WIPF3: variants seen among roughly 807,000 people sequenced by gnomAD.
WIPF3 encodes the protein WAS/WASL interacting protein family member 3.
A neutral mutation model predicts 38.9 loss-of-function variants in WIPF3; 33 were observed. The ratio of observed to expected loss-of-function variants is 0.85; its 90% CI spans 0.64 to 1.14. The LOEUF is 1.14. Among genes scored for constraint, WIPF3 ranks in the 50% most tolerant of loss-of-function variants. The pLI is 0.00. For synonymous variants in WIPF3, 324 were observed against 269.3 expected (o/e 1.20, Z -1.99); for missense variants, 711 against 652.5 (o/e 1.09, Z -0.98).
chr7:29,823,812 C>T lies in WIPF3; in HGVS notation c.-57-10856C>T, dbSNP rs946321227. On this transcript the variant is annotated intron_variant, in intron 1 of 8. Coordinates refer to ENST00000242140, the MANE Select transcript of WIPF3 (RefSeq NM_001080529.3). This position sits in a 1 kb window ranked among gnomAD's most constrained non-coding sequence, Gnocchi z 4.0. ...GATTGTTTAAAAGTGCGTGGCACCC[C>T]CACCCCAGTCCTGCTTCTGCCATTT... 5.9e-5 allele frequency among the ~76,000 whole-genome samples: 9 copies of T among 152,122 alleles called. No homozygotes were observed. The highest frequency in any genetic ancestry group is 2.2e-4 in the African/African-American group (9 of 41,402).
chr7:29,867,082 A>G (rs540960782), intron 2 of WIPF3, among the ~76,000 whole-genome samples: 74 of 152,360 alleles, frequency 4.9e-4, no homozygotes, highest in African/African-American at 1.1e-3. Context: ...AGCAGTTGGG[A>G]CAGTGCCTGG....
rs35855181 is a variant in WIPF3, at chr7:29,813,924, A to ATT, written c.-58+7259_-58+7260dup. Among the ~76,000 whole-genome samples the ATT allele has an allele frequency of 1.1e-3, 158 of 147,608 alleles. 3 individuals carry two copies. Among genetic ancestry groups the ATT allele is most frequent in the African/African-American group, 2.0e-3 (81 of 40,154 alleles). On this transcript the variant is annotated intron_variant, in intron 1 of 8. Transcript: ENST00000242140. ...AATATGTGGCCTTTTTGGTAAGAGA[A>ATT]TTTTTTTTTTTTTTGAGACAGGGTT... is the stretch of plus-strand genomic sequence containing the variant.
intron 2 of WIPF3, among the ~76,000 whole-genome samples, chr7:29,866,195 T>G (rs966396030): frequency 6.6e-6 from 1 of 152,236 alleles, no homozygotes; most frequent in Admixed American, 6.5e-5. Context: ...TACATTATCA[T>G]GTATAACAGA....
chr7:29,858,374 AAAG>A (rs1785222116), intron 2 of WIPF3, among the ~76,000 whole-genome samples: 1 of 152,216 alleles, frequency 6.6e-6, no homozygotes, highest in South Asian at 2.1e-4. Flanking sequence ...CATCAGCACA[AAAG>A]AAGGACAGTG....
chr7:29,891,395 T>C (rs1364458666), intron 7 of WIPF3, among the ~76,000 whole-genome samples: 1 of 152,198 alleles, frequency 6.6e-6, no homozygotes, highest in Admixed American at 6.5e-5. Flanking sequence ...CAGGTGGATG[T>C]TCATCTCTGG....
At chr7:29,816,701 T>C (rs1188168798) in intron 1 of WIPF3, among the ~76,000 whole-genome samples, 1 of 152,182 alleles carries the variant, frequency 6.6e-6, no homozygotes, top group African/African-American at 2.4e-5. Flanking sequence ...TCCAGGTTCA[T>C]ACATACAGGG....
chr7:29,902,166 G>A (rs1786296214), intron 7 of WIPF3, among the ~76,000 whole-genome samples: 1 of 151,796 alleles, frequency 6.6e-6, no homozygotes. Context: ...AGGTCTTTCT[G>A]TAGTGGACAG....
chr7:29,812,998 T>G (rs1784402956), intron 1 of WIPF3, among the ~76,000 whole-genome samples: 1 of 152,232 alleles, frequency 6.6e-6, no homozygotes, highest in South Asian at 2.1e-4. Flanking sequence ...CAAAAGCACC[T>G]CAAACTCAAA....
intron 2 of WIPF3, among the ~76,000 whole-genome samples, chr7:29,835,215 T>C (rs1391437237): frequency 1.3e-5 from 2 of 152,114 alleles, no homozygotes; most frequent in Non-Finnish European, 2.9e-5. Context: ...TAATGAGAGA[T>C]TGAGCTTCAG....
chr7:29,860,842 A>T (rs1483714562), intron 2 of WIPF3, among the ~76,000 whole-genome samples: 1 of 152,140 alleles, frequency 6.6e-6, no homozygotes, highest in Non-Finnish European at 1.5e-5. Flanking sequence ...GTTGGTTTTA[A>T]GTCTGGTTAA....
intron 7 of WIPF3, 50 bp from the exon 8 acceptor site, chr7:29,904,236 C>T (rs772452123): frequency 1.4e-5 from 22 of 1,578,438 alleles, no homozygotes; most frequent in Non-Finnish European, 1.9e-5. Context: ...GAAACATGCA[C>T]ACCCGGTCCC....
rs79677298 is a variant in WIPF3, at chr7:29,878,467, C to T, written c.224-542C>T. On this transcript the variant is annotated intron_variant, in intron 3 of 8. Coordinates refer to ENST00000242140, the MANE Select transcript of WIPF3 (RefSeq NM_001080529.3). The surrounding 1 kb of genome is among the most constrained non-coding windows in gnomAD (Gnocchi z 4.0). ...ATAGATGAAAAGGTGCAGGGAGGTG[C>T]GAGGGGCTGGGGGCTTGAGGGCTGG... 3.8e-3 allele frequency among the ~76,000 whole-genome samples: 585 copies of T among 152,118 alleles called. 4 individuals are homozygous for T. The highest frequency in any genetic ancestry group is 0.019 in the East Asian group (97 of 5,178).
At chr7:29,891,394 G>T (rs185459506) in intron 7 of WIPF3, among the ~76,000 whole-genome samples, 2 of 152,362 alleles carry the variant, frequency 1.3e-5, no homozygotes, top group East Asian at 3.9e-4. Flanking sequence ...TCAGGTGGAT[G>T]TTCATCTCTG....
At chr7:29,913,416 G>GA (rs1277517118) in intron 8 of WIPF3, among the ~76,000 whole-genome samples, 1 of 151,354 alleles carries the variant, frequency 6.6e-6, no homozygotes, top group East Asian at 1.9e-4. Flanking sequence ...TAAAAATGGA[G>GA]AAAAAATGTT....
chr7:29,810,478 A>G (rs887093978), intron 1 of WIPF3, among the ~76,000 whole-genome samples: 4 of 96,784 alleles, frequency 4.1e-5, no homozygotes, highest in South Asian at 2.7e-4. Context: ...GTGTGAGTGA[A>G]TGAATGAATG....
At chr7:29,852,290 C>A (rs999548194) in intron 2 of WIPF3, among the ~76,000 whole-genome samples, 1 of 152,238 alleles carries the variant, frequency 6.6e-6, no homozygotes, top group Non-Finnish European at 1.5e-5. Context: ...AGCCACGATG[C>A]CTAGCCTAAA....
chr7:29,838,500 T>C (rs1583597711), intron 2 of WIPF3, among the ~76,000 whole-genome samples: 1 of 152,226 alleles, frequency 6.6e-6, no homozygotes, highest in East Asian at 1.9e-4. Flanking sequence ...CCACATTTTT[T>C]ATGACAGCAG....
intron 1 of WIPF3, among the ~76,000 whole-genome samples, chr7:29,825,740 A>G (rs897406972): frequency 1.3e-5 from 2 of 152,224 alleles, no homozygotes; most frequent in Non-Finnish European, 2.9e-5. Context: ...TAAGAGTCCT[A>G]TAAAAGAAAA....
intron 2 of WIPF3, among the ~76,000 whole-genome samples, chr7:29,870,389 A>G (rs1054838012): frequency 4.6e-5 from 7 of 152,166 alleles, no homozygotes; most frequent in African/African-American, 1.7e-4. Flanking sequence ...GAGGTGATGA[A>G]TGCCTGCTTA....
Sources: allele counts gnomAD v4.1 joint callset (sites outside exome capture counted in the v4.1 genomes callset), GRCh38; gene constraint gnomAD v4.1.1; non-coding constraint Gnocchi (gnomAD v3.1); transcripts MANE v1.5; gene names NCBI Gene and HGNC (gene_info 2026-07-23, HGNC 2026-07-21).